The following TCF7 variants were observed in gnomAD, a reference collection of about 807,000 sequenced individuals.
The protein encoded by TCF7 is transcription factor 7.
In TCF7, 19 loss-of-function variants were observed where a neutral mutation model predicts 46.8. That is an observed-to-expected ratio of 0.41 (90% CI 0.28 to 0.60). The LOEUF is 0.60. TCF7 is among the 20% of genes least tolerant of loss of function. TCF7 has a pLI of 0.35. For synonymous variants in TCF7, 245 were observed against 213.4 expected (o/e 1.15, Z -1.29); for missense variants, 547 against 504.6 (o/e 1.08, Z -0.81).
chr5:134,131,233 G>A (rs937944141), intron 3 of TCF7, among the ~76,000 whole-genome samples: 2 of 152,184 alleles, frequency 1.3e-5, no homozygotes, highest in Non-Finnish European at 2.9e-5. Flanking sequence ...GCACTGACCT[G>A]GTGGAGGAAG....
chr5:134,125,562 C>T (rs1033390020), intron 3 of TCF7, among the ~76,000 whole-genome samples: 1 of 152,248 alleles, frequency 6.6e-6, no homozygotes, highest in African/African-American at 2.4e-5. Context: ...TCTGGGAGAG[C>T]CAGGAGGAGG....
In TCF7 at chr5:134,116,155, C is replaced by G. The variant is rs117314215; in HGVS notation, c.441+122C>G. ...GACGAGACTCCTGTGCTGGTCTTTT[C>G]TCCCATACACACCCGGTGGGATCTG... On this transcript the variant is annotated intron_variant, in intron 3 of 9. Transcript: ENST00000342854. 659 of 1,443,754 alleles carry G rather than the reference C, an allele frequency of 4.6e-4. 3 individuals carry two copies. In the East Asian group the frequency reaches 0.016, roughly 36 times the overall value. The allele number at this position is 1,443,754 out of a possible 1,614,324, so 89.4% of individuals were successfully genotyped here.
At chr5:134,138,331 C>T (rs1047966583) in intron 4 of TCF7, 167 bp downstream of exon 4, 1 of 605,368 alleles carries the variant, frequency 1.7e-6, no homozygotes, top group Non-Finnish European at 2.9e-6. Flanking sequence ...GGTATAAGGG[C>T]ATCAGAAAAC....
chr5:134,112,837 T>C (rs961098940), upstream of TCF7, among the ~76,000 whole-genome samples: 3 of 152,168 alleles, frequency 2.0e-5, no homozygotes, highest in East Asian at 1.9e-4. Context: ...ACTTTTCTCC[T>C]TTCTCCAAGG....
chr5:134,116,044 C>G lies in TCF7; in HGVS notation c.441+11C>G. On this transcript the variant is annotated intron_variant, in intron 3 of 9. Coordinates refer to ENST00000342854, the MANE Select transcript of TCF7 (RefSeq NM_003202.5). ...CCGCAGCCCCCGCTGGTAAGTGGACCCCGCAGCCAGTGCCGCCCTGTGCTT... is the reference window on the plus strand; with the variant it reads ...CCGCAGCCCCCGCTGGTAAGTGGACGCCGCAGCCAGTGCCGCCCTGTGCTT... 2.5e-6 allele frequency: 4 copies of G among 1,609,108 alleles called. No homozygotes were observed. Among genetic ancestry groups the G allele is most frequent in the Non-Finnish European group, 3.4e-6 (4 of 1,177,894 alleles).
intron 9 of TCF7, chr5:134,143,976 A>C: frequency 3.6e-6 from 1 of 276,988 alleles, no homozygotes; most frequent in Non-Finnish European, 6.9e-6. Flanking sequence ...CTTAGCCCAA[A>C]CAATGTCCTG....
At chr5:134,114,476 C>T (rs1423218319), upstream of TCF7, among the ~76,000 whole-genome samples, 1 of 152,124 alleles carries the variant, frequency 6.6e-6, no homozygotes, top group East Asian at 1.9e-4. Flanking sequence ...GTCAGGAGTT[C>T]CCGTTAGAGT....
Position 134,144,614 on chromosome 5 carries a change from T to C in TCF7, c.1075+974T>C, listed in dbSNP as rs1244877855. The C allele has an allele frequency of 8.4e-6, 5 of 592,844 alleles. No homozygotes were observed. The East Asian group carries it at 1.4e-4, about 17-fold the overall frequency. 36.7% of individuals were successfully genotyped at this position (592,844 alleles called of 1,614,324 possible). On this transcript the variant is annotated intron_variant, in intron 9 of 9. Transcript: ENST00000342854. ...TGCCCACCTTTCCTGATATCTTGGCTCTGGGCTCTTGGGCTCCCACTGGGG... is the reference window on the plus strand; with the variant it reads ...TGCCCACCTTTCCTGATATCTTGGCCCTGGGCTCTTGGGCTCCCACTGGGG...
chr5:134,128,870 G>C (rs1444869209), intron 3 of TCF7, among the ~76,000 whole-genome samples: 1 of 152,110 alleles, frequency 6.6e-6, no homozygotes, highest in Non-Finnish European at 1.5e-5. Flanking sequence ...CTTTTCTTTT[G>C]GTCATTTATG....
At chr5:134,137,881 C>A in intron 3 of TCF7, 178 bp from the exon 4 acceptor site, 1 of 472,118 alleles carries the variant, frequency 2.1e-6, no homozygotes, top group Non-Finnish European at 3.8e-6. Flanking sequence ...TGGGCAAAGT[C>A]TTGGGGGCTA....
At position 134,114,974 on chromosome 5, in the gene TCF7, T is replaced by C; in HGVS notation, c.68T>C (p.Leu23Pro). The change falls in exon 1 of 10, where the codon CTG (leucine) becomes CCG (proline). Residue 23 changes from leucine to proline, a missense_variant. Transcript: ENST00000342854. ...GGDDLGAPDE[L>P]LAFQDEGEEQ... ...GACGACCTCGGCGCGCCGGACGAGCTGCTGGCCTTCCAGGATGAAGGCGAG... is the reference window on the plus strand; with the variant it reads ...GACGACCTCGGCGCGCCGGACGAGCCGCTGGCCTTCCAGGATGAAGGCGAG... The C allele has an allele frequency of 8.3e-7, 1 of 1,200,022 alleles. No individual in the cohort carries two copies. Among genetic ancestry groups the C allele is most frequent in the Non-Finnish European group, 1.1e-6 (1 of 943,126 alleles). The allele number at this position is 1,200,022 out of a possible 1,614,324, so 74.3% of individuals were successfully genotyped here.
intron 3 of TCF7, among the ~76,000 whole-genome samples, chr5:134,130,955 C>G (rs945465838): frequency 1.3e-5 from 2 of 152,196 alleles, no homozygotes; most frequent in African/African-American, 4.8e-5. Flanking sequence ...CACAGTGGAT[C>G]GGTGCTACAG....
intron 5 of TCF7, chr5:134,140,623 A>T (rs1174668237): frequency 8.4e-6 from 3 of 355,994 alleles, no homozygotes; most frequent in Non-Finnish European, 1.7e-5. Context: ...GCACCCATAC[A>T]AGTTTATAGA....
chr5:134,144,785 G>A (rs1178024866), intron 9 of TCF7: 2 of 1,613,626 alleles, frequency 1.2e-6, no homozygotes, highest in Admixed American at 1.7e-5. Flanking sequence ...CCTCTGGCAT[G>A]GCTGTGAGCA....
intron 3 of TCF7, among the ~76,000 whole-genome samples, chr5:134,131,236 G>A (rs1448599900): frequency 6.6e-6 from 1 of 152,200 alleles, no homozygotes; most frequent in Admixed American, 6.5e-5. Flanking sequence ...CTGACCTGGT[G>A]GAGGAAGGGC....
chr5:134,133,619 G>A (rs549838892), intron 3 of TCF7, among the ~76,000 whole-genome samples: 44 of 152,254 alleles, frequency 2.9e-4, no homozygotes, highest in Middle Eastern at 3.4e-3. Context: ...CGGGCGCAAA[G>A]CGGGCTGGGG....
At position 134,138,088 on chromosome 5, in the gene TCF7, C is replaced by T. The variant is rs1759172666; in HGVS notation, c.471C>T (p.Val157=). 6.2e-7 allele frequency: 1 copy of T among 1,610,658 alleles called. No individual in the cohort carries two copies. Among genetic ancestry groups the T allele is most frequent in the Non-Finnish European group, 8.5e-7 (1 of 1,178,406 alleles). Residue 157 remains valine, a synonymous_variant, in exon 4 of 10, where the codon GTC becomes GTT. Coordinates refer to ENST00000342854, the MANE Select transcript of TCF7 (RefSeq NM_003202.5). ...AGGCCAATCAGCCCCCCCACGGTGT[C>T]CCCCAACTCTCTCTCTACGAACATT... The part of the protein sequence containing the change: ...LHKANQPPHG[V]PQLSLYEHFN...
intron 9 of TCF7, chr5:134,145,028 T>C (rs1439579360): frequency 2.9e-6 from 2 of 680,172 alleles, no homozygotes; most frequent in East Asian, 2.7e-5. Flanking sequence ...TAGTAAATAC[T>C]GAACACAGCG....
intron 3 of TCF7, among the ~76,000 whole-genome samples, chr5:134,122,962 A>C (rs1184341353): frequency 1.3e-5 from 2 of 152,194 alleles, no homozygotes; most frequent in African/African-American, 4.8e-5. Flanking sequence ...CTGACACTGT[A>C]TCTGCCATTC....
Sources: allele counts gnomAD v4.1 joint callset (sites outside exome capture counted in the v4.1 genomes callset), GRCh38; gene constraint gnomAD v4.1.1; transcripts MANE v1.5; gene names NCBI Gene and HGNC (gene_info 2026-07-23, HGNC 2026-07-21).